MICALL2: variants seen among roughly 807,000 people sequenced by gnomAD.
MICALL2 encodes the protein MICAL like 2.
A neutral mutation model predicts 91.1 loss-of-function variants in MICALL2; 111 were observed. The observed-to-expected ratio is 1.22, with a 90% CI of 1.04 to 1.43. The LOEUF (loss-of-function observed/expected upper bound fraction) is 1.43. Ranked by LOEUF, MICALL2 falls within the 40% of genes most tolerant of loss-of-function variation. MICALL2 has a pLI of 0.00. For missense variants in MICALL2, 1,556 were observed against 1,236.0 expected, an observed-to-expected ratio of 1.26 and a Z score of -3.88; for synonymous variants, 694 against 525.3, an observed-to-expected ratio of 1.32 and a Z score of -4.39.
chr7:1,449,916 A>T (rs1237069871), intron 2 of MICALL2, among the ~76,000 whole-genome samples: 1 of 151,142 alleles, frequency 6.6e-6, no homozygotes, highest in East Asian at 2.0e-4. Flanking sequence ...AGCCACCCCC[A>T]GACCCTTGTT....
At chr7:1,456,017 G>T (rs1021825384) in intron 1 of MICALL2, among the ~76,000 whole-genome samples, 1 of 151,882 alleles carries the variant, frequency 6.6e-6, no homozygotes, top group Non-Finnish European at 1.5e-5. Context: ...ACAGCCAAGG[G>T]CTGCATGAGG....
chr7:1,440,128 A>AG, intron 8 of MICALL2, 43 bp from the exon 9 acceptor site: 1 of 1,563,404 alleles, frequency 6.4e-7, no homozygotes, highest in Non-Finnish European at 8.6e-7. Flanking sequence ...CACCAGCCCC[A>AG]GGGCCTGGCC....
rs191777501 is a variant in MICALL2, at chr7:1,437,963, G to A, written c.2329C>T (p.Leu777Phe). The change falls in exon 13 of 17, where the codon CTC becomes TTC. Residue 777 changes from leucine to phenylalanine, a missense_variant. By Grantham distance (22) the Leu-to-Phe change is conservative (BLOSUM62 0). Transcript: ENST00000297508. ...ATGAGCCAGAACCAGTCCACCATGA[G>A]GCTATCCTCAGCGTCATCTGGGGAG... Reference protein sequence around the residue: ...AAEGDDAEDSLMVDWFWLIHE... With the variant: ...AAEGDDAEDSFMVDWFWLIHE... 1.6e-4 allele frequency: 247 copies of A among 1,550,292 alleles called. No homozygotes were observed. In the African/African-American group the frequency reaches 2.8e-3, roughly 18 times the overall value.
At position 1,438,272 on chromosome 7, in the gene MICALL2, T is replaced by TCC. The variant is rs1328040913; in HGVS notation, c.2187+15_2187+16dup. The stretch of plus-strand genomic sequence containing the variant: ...CCGGAGGGCTGGGCCCCTGCCCGGC[T>TCC]CCCCACCACTACTCACCCTGACTGG... On this transcript the variant is annotated intron_variant, in intron 11 of 16. Coordinates refer to ENST00000297508, the MANE Select transcript of MICALL2 (RefSeq NM_182924.4). 1.3e-6 allele frequency: 2 copies of TCC among 1,590,614 alleles called. No individual in the cohort carries two copies. The highest frequency in any genetic ancestry group is 2.3e-5 in the South Asian group (2 of 87,976).
At position 1,445,208 on chromosome 7, in the gene MICALL2, C is replaced by CTGG; in HGVS notation, c.861_862insCCA (p.Trp287_Glu288insPro). The CTGG allele has an allele frequency of 6.2e-7, 1 of 1,602,688 alleles. No individual in the cohort carries two copies. ...GCAGGCGAGTTGCCCGCAGCAGGCT[C>CTGG]CCAGGCCGACGGTCTGGCCTTGTTT... On this transcript the variant is annotated inframe_insertion, in exon 6 of 17. Transcript: ENST00000297508.
At chr7:1,438,594 G>C (rs904329223) in intron 10 of MICALL2, 4 of 1,421,380 alleles carry the variant, frequency 2.8e-6, no homozygotes, top group South Asian at 3.1e-5. Context: ...AGCCACCCCA[G>C]TCCCTCAAGC....
In MICALL2 at chr7:1,438,246, G is replaced by A. The variant is rs376687769; in HGVS notation, c.2188-26C>T. The A allele has an allele frequency of 5.1e-5, 81 of 1,588,790 alleles. No individual in the cohort carries two copies. In the African/African-American group the frequency reaches 8.6e-4, roughly 17 times the overall value. The stretch of plus-strand genomic sequence containing the variant: ...CTGGGAACGGAGGGGCGGTGAGGAT[G>A]CCGGAGGGCTGGGCCCCTGCCCGGC... On this transcript the variant is annotated intron_variant, in intron 11 of 16. Transcript: ENST00000297508.
Position 1,442,367 on chromosome 7 carries a change from C to G in MICALL2, c.1536G>C (p.Ser512=). ...SSSPRVLGLP[S]RMEPPAPLST... ...TCAGCGGGGCTGGCGGTTCCATCCT[C>G]GAAGGGAGGCCAAGCACCCGGGGAG... is the stretch of plus-strand genomic sequence containing the variant. The change falls in exon 7 of 17, where the codon TCG becomes TCC. Residue 512 remains serine (S), a synonymous_variant. Coordinates refer to ENST00000297508, the MANE Select transcript of MICALL2 (RefSeq NM_182924.4). The G allele has an allele frequency of 6.2e-7, 1 of 1,611,648 alleles. No homozygotes were observed.
intron 1 of MICALL2, among the ~76,000 whole-genome samples, chr7:1,455,495 G>A (rs1250862406): frequency 6.6e-6 from 1 of 152,238 alleles, no homozygotes; most frequent in Non-Finnish European, 1.5e-5. Context: ...CCTGGTGGGC[G>A]TGGCTGGGCG....
chr7:1,453,986 G>GGCCACACCTGCCCC (rs1251423006), intron 1 of MICALL2, among the ~76,000 whole-genome samples: 1 of 152,002 alleles, frequency 6.6e-6, no homozygotes, highest in East Asian at 1.9e-4. Flanking sequence ...GCCCCTGCCC[G>GGCCACACCTGCCCC]GCCACACCTG....
At chr7:1,447,303 G>A (rs970095308) in intron 4 of MICALL2, among the ~76,000 whole-genome samples, 1 of 152,132 alleles carries the variant, frequency 6.6e-6, no homozygotes, top group Non-Finnish European at 1.5e-5. Flanking sequence ...TTCTCTCCCC[G>A]GGAGAGAGGT....
chr7:1,435,325 C>T (rs1236405700), intron 15 of MICALL2, among the ~76,000 whole-genome samples, 178 bp from the exon 16 acceptor site: 2 of 152,266 alleles, frequency 1.3e-5, no homozygotes, highest in African/African-American at 2.4e-5. Context: ...ATGCCAAGTC[C>T]CTGCCCTCTT....
At chr7:1,447,889 T>G in intron 3 of MICALL2, 124 bp from the exon 4 acceptor site, 1 of 716,972 alleles carries the variant, frequency 1.4e-6, no homozygotes, top group Non-Finnish European at 2.1e-6. Flanking sequence ...GGCCCAGGGC[T>G]GGGGAGAGGT....
At chr7:1,436,965 G>A (rs1171455403) in intron 14 of MICALL2, 109 bp from the exon 15 acceptor site, 12 of 782,842 alleles carry the variant, frequency 1.5e-5, no homozygotes, top group South Asian at 2.0e-5. Flanking sequence ...GAGGAAGAAG[G>A]TGGGGTCTTG....
Position 1,434,645 on chromosome 7 carries a change from C to G in MICALL2, c.2666G>C (p.Arg889Pro). Residue 889 changes from arginine (R) to proline (P), a missense_variant, in exon 17 of 17, where the codon CGC (arginine) becomes CCC (proline). Transcript: ENST00000297508. ...TTTTGGTGACCAGATCTTGGACAAG[C>G]GGAACTTGGACTTCTTCCTCTGGAG... is the stretch of plus-strand genomic sequence containing the variant. ...LGLQRKKSKF[R>P]LSKIWSPKSK... The G allele has an allele frequency of 1.9e-6, 3 of 1,572,258 alleles. No individual in the cohort carries two copies. In the South Asian group the frequency reaches 3.5e-5, roughly 18 times the overall value.
rs75321417 is a variant in MICALL2 at position 1,434,406 on chromosome 7, G to A, written c.*190C>T. The A allele has an allele frequency of 9.4e-4, 654 of 694,134 alleles. 4 individuals carry two copies. In the East Asian group the frequency reaches 0.013, roughly 14 times the overall value. The allele number at this position is 694,134 out of a possible 1,614,324, so 43.0% of individuals were successfully genotyped here. The stretch of plus-strand genomic sequence containing the variant: ...CTTTATTGAGACCACAGACGGTAGC[G>A]CAGGTCCCTGCTGTCCACATGCCCC... On this transcript the variant is annotated 3_prime_UTR_variant, in exon 17 of 17. Transcript: ENST00000297508.
At chr7:1,439,149 C>A (rs150229419) in intron 9 of MICALL2, 154 bp from the exon 10 acceptor site, 2 of 629,360 alleles carry the variant, frequency 3.2e-6, no homozygotes, top group East Asian at 5.8e-5. Flanking sequence ...ACAAGCCCTA[C>A]ACCCACGTCC....
intron 9 of MICALL2, 54 bp downstream of exon 9, chr7:1,439,871 A>G: frequency 7.3e-7 from 1 of 1,368,926 alleles, no homozygotes; most frequent in Non-Finnish European, 9.5e-7. Flanking sequence ...CCCCCACCCA[A>G]GGGGGAGGGC....
rs890731783 is a variant in MICALL2, at chr7:1,445,060, C to T, written c.1010G>A (p.Arg337His). ...LAPTPTEGKVRPRVTNSSPMG... is the reference protein window; with the variant it reads ...LAPTPTEGKVHPRVTNSSPMG... ...CGGGGAGCTATTGGTCACACGAGGG[C>T]GGACTTTCCCCTCCGTGGGAGTGGG... The change falls in exon 6 of 17, where the codon CGC (arginine) becomes CAC (histidine). Residue 337 changes from arginine to histidine, a missense_variant. Transcript: ENST00000297508. 3.4e-5 allele frequency: 52 copies of T among 1,547,344 alleles called. No homozygotes were observed. Among genetic ancestry groups the T allele is most frequent in the Admixed American group, 9.8e-5 (5 of 50,872 alleles).
Sources: allele counts gnomAD v4.1 joint callset (sites outside exome capture counted in the v4.1 genomes callset), GRCh38; gene constraint gnomAD v4.1.1; transcripts MANE v1.5; gene names NCBI Gene and HGNC (gene_info 2026-07-23, HGNC 2026-07-21).